The following ADGRL3 variants were observed in gnomAD, a reference collection of about 807,000 sequenced individuals.
ADGRL3 encodes the protein adhesion G protein-coupled receptor L3, also known as calcium-independent alpha-latrotoxin receptor 3.
A neutral mutation model predicts 153.5 loss-of-function variants in ADGRL3; 62 were observed. The ratio of observed to expected loss-of-function variants is 0.40; its 90% confidence interval spans 0.33 to 0.50. The LOEUF (loss-of-function observed/expected upper bound fraction) is 0.50, where lower values mean the gene tolerates loss of function less well. ADGRL3 is among the 20% of genes least tolerant of loss of function. The pLI, the probability that ADGRL3 is intolerant of heterozygous loss-of-function variation, is 0.47. For synonymous variants in ADGRL3, 710 were observed against 672.5 expected (o/e 1.06, Z -0.86); for missense variants, 1,641 against 1,859.4 (o/e 0.88, Z 2.16).
chr4:61,722,338 A>T (rs562551672), intron 6 of ADGRL3, among the ~76,000 whole-genome samples: 2 of 152,304 alleles, frequency 1.3e-5, no homozygotes, highest in East Asian at 3.9e-4. Context: ...GTAAGTTTCT[A>T]TCATCATTTC....
rs2097187555 is a variant in ADGRL3 at position 61,420,191 on chromosome 4, T to C, written c.-174+37002T>C. On this transcript the variant is annotated intron_variant, in intron 2 of 26. Transcript: ENST00000683033. ...TAAAACATTTTATGCCACATTTTTC[T>C]ATTGTCTTCATTTGTTCTCCCATGA... The C allele has an allele frequency of 2.0e-5, 3 of 152,298 alleles. No individual in the cohort carries two copies. In the South Asian group the frequency reaches 6.2e-4, roughly 32 times the overall value. 9.4% of individuals were successfully genotyped at this position (152,298 alleles called of 1,614,324 possible).
chr4:61,865,757 T>C (rs1169043846), intron 9 of ADGRL3, among the ~76,000 whole-genome samples: 1 of 152,192 alleles, frequency 6.6e-6, no homozygotes, highest in Non-Finnish European at 1.5e-5. Flanking sequence ...AGACTACCTC[T>C]GACTCCTACA....
rs541597102 is a variant in ADGRL3, at chr4:61,659,874, T to A, written c.474-16952T>A. Among the ~76,000 whole-genome samples, 6 of 118,478 alleles carry A rather than the reference T, an allele frequency of 5.1e-5. 1 individual carries two copies. Among genetic ancestry groups the A allele is most frequent in the African/African-American group, 1.6e-4 (5 of 31,422 alleles). The allele number at this position is 118,478 out of a possible 152,430, so 77.7% of individuals were successfully genotyped here. A position where few individuals can be genotyped will look rare whatever the true frequency, so the allele number is the denominator to read the frequency against. ...AGCCTGGTATTCATGCTAGGCTGGGTCATGAAAATCAAGTGAAGATTACAA... is the reference window on the plus strand; with the variant it reads ...AGCCTGGTATTCATGCTAGGCTGGGACATGAAAATCAAGTGAAGATTACAA... On this transcript the variant is annotated intron_variant, in intron 5 of 26. Transcript: ENST00000683033.
At chr4:62,003,469 C>T (rs531875269) in intron 21 of ADGRL3, among the ~76,000 whole-genome samples, 43 of 152,100 alleles carry the variant, frequency 2.8e-4, no homozygotes, top group Non-Finnish European at 5.3e-4. Context: ...AATGTTTACA[C>T]GACCTTGGCA....
chr4:61,755,494 A>G (rs1407906624), intron 8 of ADGRL3, among the ~76,000 whole-genome samples: 4 of 151,896 alleles, frequency 2.6e-5, no homozygotes, highest in Admixed American at 2.0e-4. Context: ...AATTTGTTTC[A>G]GTTCATTGTA....
chr4:61,975,464 A>T (rs2099044688), intron 17 of ADGRL3, among the ~76,000 whole-genome samples: 1 of 152,152 alleles, frequency 6.6e-6, no homozygotes, highest in African/African-American at 2.4e-5. Context: ...GGAAGGGAAA[A>T]ATAGGAAATG....
At chr4:61,449,872 C>T (rs2097652883) in intron 2 of ADGRL3, among the ~76,000 whole-genome samples, 2 of 152,122 alleles carry the variant, frequency 1.3e-5, no homozygotes, top group Admixed American at 1.3e-4. Context: ...CCACCTTTAA[C>T]AAGCATATTA....
intron 13 of ADGRL3, among the ~76,000 whole-genome samples, chr4:61,933,454 C>A (rs899893754): frequency 6.6e-6 from 1 of 152,004 alleles, no homozygotes; most frequent in Non-Finnish European, 1.5e-5. Context: ...GCTAAGCACA[C>A]TATATGAAAA....
Position 61,898,929 on chromosome 4 carries a change from T to G in ADGRL3, c.1887+3095T>G, listed in dbSNP as rs115895873. On this transcript the variant is annotated intron_variant, in intron 11 of 26. Coordinates refer to ENST00000683033, the MANE Select transcript of ADGRL3 (RefSeq NM_001387552.1). ...ACCATGCCCCACCACCCTAATCTTATTATGCAAATAGGCTTTCCACTTGGC... is the reference window on the plus strand; with the variant it reads ...ACCATGCCCCACCACCCTAATCTTAGTATGCAAATAGGCTTTCCACTTGGC... 6.2e-3 allele frequency among the ~76,000 whole-genome samples: 943 copies of G among 152,182 alleles called. 14 individuals carry two copies. The highest frequency in any genetic ancestry group is 0.022 in the African/African-American group (900 of 41,528).
At chr4:61,424,959 G>A (rs1204361474) in intron 2 of ADGRL3, among the ~76,000 whole-genome samples, 1 of 152,124 alleles carries the variant, frequency 6.6e-6, no homozygotes, top group South Asian at 2.1e-4. Context: ...CAGGCACAAA[G>A]GCCATCCCCA....
intron 4 of ADGRL3, among the ~76,000 whole-genome samples, chr4:61,533,932 A>G (rs1354898415): frequency 6.6e-6 from 1 of 152,022 alleles, no homozygotes; most frequent in Non-Finnish European, 1.5e-5. Flanking sequence ...ATACACGTGC[A>G]GGTTTGTTAT....
At chr4:62,043,599 A>AT (rs1412994974) in intron 24 of ADGRL3, among the ~76,000 whole-genome samples, 1 of 152,140 alleles carries the variant, frequency 6.6e-6, no homozygotes, top group Admixed American at 6.6e-5. Flanking sequence ...GCATGGTTTC[A>AT]TAAGTAGTAG....
intron 25 of ADGRL3, among the ~76,000 whole-genome samples, chr4:62,062,264 G>C (rs1740631521): frequency 2.0e-5 from 3 of 151,588 alleles, no homozygotes; most frequent in Admixed American, 1.3e-4. Context: ...ATCTGTTTAT[G>C]CTTTTGAACC....
chr4:61,647,255 G>T (rs2094049702), intron 5 of ADGRL3, among the ~76,000 whole-genome samples: 1 of 152,094 alleles, frequency 6.6e-6, no homozygotes, highest in Non-Finnish European at 1.5e-5. Context: ...GCTCACGCTG[G>T]GAGCTGTAGA....
chr4:61,348,910 C>G (rs1404545783), intron 1 of ADGRL3, among the ~76,000 whole-genome samples: 1 of 151,884 alleles, frequency 6.6e-6, no homozygotes, highest in Non-Finnish European at 1.5e-5. Flanking sequence ...AGAAATAATA[C>G]AGTGTAAGTA....
chr4:61,696,658 T>C (rs1014852092), intron 6 of ADGRL3, among the ~76,000 whole-genome samples: 7 of 148,758 alleles, frequency 4.7e-5, no homozygotes, highest in African/African-American at 1.7e-4. Flanking sequence ...CCTAAGTTCC[T>C]TTTTTTTTAA....
rs1259337608 is a variant in ADGRL3 at position 61,202,591 on chromosome 4, G to A, written c.-240+826G>A. ...CAGAGCATTGGTGGTCGCGGTTGGC[G>A]GGTTACAGGTAGGAGAGAAGGCACC... On this transcript the variant is annotated intron_variant, in intron 1 of 26. Transcript: ENST00000683033. This position sits in a 1 kb window ranked among gnomAD's most constrained non-coding sequence, Gnocchi z 5.0. Among the ~76,000 whole-genome samples the A allele has an allele frequency of 6.6e-6, 1 of 152,132 alleles. No individual in the cohort carries two copies. Among genetic ancestry groups the A allele is most frequent in the East Asian group, 1.9e-4 (1 of 5,144 alleles).
chr4:61,301,375 A>G (rs1386063885), intron 1 of ADGRL3, among the ~76,000 whole-genome samples: 1 of 152,222 alleles, frequency 6.6e-6, no homozygotes, highest in African/African-American at 2.4e-5. Context: ...CTGGCAAAAC[A>G]AGTTTTACGA....
At chr4:62,063,164 T>G (rs1005762897) in intron 25 of ADGRL3, among the ~76,000 whole-genome samples, 41 of 152,088 alleles carry the variant, frequency 2.7e-4, no homozygotes, top group African/African-American at 9.7e-4. Context: ...GTTTTGTGTT[T>G]TGTTTGTATG....
Sources: gnomAD v4.1 joint callset for allele counts (sites outside exome capture counted in the v4.1 genomes callset) on GRCh38, gnomAD v4.1.1 for gene constraint, Gnocchi (gnomAD v3.1) non-coding constraint, MANE v1.5 for transcripts, NCBI Gene and HGNC (gene_info 2026-07-23, HGNC 2026-07-21) for gene names.